Variants in RUBCN observed in about 807,000 individuals in gnomAD.
RUBCN encodes rubicon autophagy regulator.
Under a neutral mutation model 113.2 loss-of-function variants are expected in RUBCN, and 74 were observed. The observed-to-expected ratio is 0.65, with a 90% CI of 0.54 to 0.79. The LOEUF (loss-of-function observed/expected upper bound fraction) is 0.79. RUBCN is among the 30% of genes least tolerant of loss of function. The pLI is 0.00. For missense variants in RUBCN, 1,109 were observed against 1,251.7 expected (o/e 0.89, Z 1.72); for synonymous variants, 480 against 490.0 (o/e 0.98, Z 0.27).
intron 1 of RUBCN, among the ~76,000 whole-genome samples, chr3:197,731,167 G>T (rs1175384014): frequency 6.6e-6 from 1 of 151,804 alleles, no homozygotes; most frequent in Non-Finnish European, 1.5e-5. Flanking sequence ...GTGTCCCTGG[G>T]TACTTGAGAT....
chr3:197,692,286 C>T (rs1271069299), intron 11 of RUBCN, among the ~76,000 whole-genome samples: 1 of 151,944 alleles, frequency 6.6e-6, no homozygotes, highest in Non-Finnish European at 1.5e-5. Flanking sequence ...CCAGACACCA[C>T]GGGGGCAGGA....
intron 1 of RUBCN, among the ~76,000 whole-genome samples, chr3:197,727,887 A>C (rs535901644): frequency 4.7e-4 from 72 of 152,396 alleles, no homozygotes; most frequent in African/African-American, 1.6e-3. Flanking sequence ...CAGGCACACA[A>C]CACCACTTTA....
chr3:197,712,439 G>A (rs895371309), intron 2 of RUBCN, among the ~76,000 whole-genome samples: 8 of 152,176 alleles, frequency 5.3e-5, no homozygotes, highest in Non-Finnish European at 8.8e-5. Flanking sequence ...TCCTCCTGAC[G>A]AGGGCACAAC....
chr3:197,676,855 C>A, intron 18 of RUBCN, 30 bp downstream of exon 18: 1 of 1,614,058 alleles, frequency 6.2e-7, no homozygotes, highest in East Asian at 2.2e-5. Flanking sequence ...AGCAAGGGCT[C>A]AGCTGCATGC....
intron 1 of RUBCN, among the ~76,000 whole-genome samples, chr3:197,746,095 A>G (rs1215476713): frequency 6.6e-6 from 1 of 152,208 alleles, no homozygotes; most frequent in Non-Finnish European, 1.5e-5. Flanking sequence ...CAAATAAAAT[A>G]AAAGACTCCC....
chr3:197,703,451 C>T, intron 5 of RUBCN, 97 bp downstream of exon 5: 1 of 311,016 alleles, frequency 3.2e-6, no homozygotes, highest in Admixed American at 4.0e-5. Flanking sequence ...TTTCAGCTCA[C>T]AAAAATGGCT....
intron 1 of RUBCN, among the ~76,000 whole-genome samples, chr3:197,723,409 C>T (rs1726384007): frequency 1.3e-5 from 2 of 152,142 alleles, no homozygotes; most frequent in Non-Finnish European, 2.9e-5. Flanking sequence ...CAGTCTCAAA[C>T]TCTTGACCTC....
chr3:197,713,567 G>T (rs1167715924), intron 2 of RUBCN, among the ~76,000 whole-genome samples: 3 of 152,120 alleles, frequency 2.0e-5, no homozygotes, highest in African/African-American at 7.2e-5. Context: ...TTTAGTTTTG[G>T]TAATGTTGTG....
Position 197,681,416 on chromosome 3 carries a change from A to G in RUBCN, c.2192-49T>C. The G allele has an allele frequency of 7.2e-7, 1 of 1,394,294 alleles. No homozygotes were observed. Among genetic ancestry groups the G allele is most frequent in the Non-Finnish European group, 1.0e-6 (1 of 981,100 alleles). 86.4% of individuals were successfully genotyped at this position (1,394,294 alleles called of 1,614,324 possible). On this transcript the variant is annotated intron_variant, in intron 15 of 19. Coordinates refer to ENST00000296343, the MANE Select transcript of RUBCN (RefSeq NM_014687.4). This position sits in a 1 kb window ranked among gnomAD's most constrained non-coding sequence, Gnocchi z 5.5. Reference sequence around the variant, plus strand: ...AGCCAGATGTAACTTTCCCATCTACAAGCTGGGAAGGCAGCTCTGCTTTTC... The same window carrying G: ...AGCCAGATGTAACTTTCCCATCTACGAGCTGGGAAGGCAGCTCTGCTTTTC...
At position 197,682,459 on chromosome 3, in the gene RUBCN, T is replaced by C; in HGVS notation, c.2126+11A>G. 6.2e-7 allele frequency: 1 copy of C among 1,614,120 alleles called. No individual in the cohort carries two copies. Among genetic ancestry groups the C allele is most frequent in the South Asian group, 1.1e-5 (1 of 91,066 alleles). ...TCTGTGCTCCAAAGGGCACAGACAC[T>C]GGCCACTCACGTTGGGGCTGGATGA... On this transcript the variant is annotated intron_variant, in intron 14 of 19. Coordinates refer to ENST00000296343, the MANE Select transcript of RUBCN (RefSeq NM_014687.4).
chr3:197,711,882 T>A (rs1176070532), intron 2 of RUBCN, among the ~76,000 whole-genome samples: 1 of 152,188 alleles, frequency 6.6e-6, no homozygotes, highest in Non-Finnish European at 1.5e-5. Flanking sequence ...TTAAAACACA[T>A]AAATACATAG....
chr3:197,724,980 G>A (rs1726574765), intron 1 of RUBCN, among the ~76,000 whole-genome samples: 1 of 152,058 alleles, frequency 6.6e-6, no homozygotes, highest in African/African-American at 2.4e-5. Flanking sequence ...AGGAGTTCAA[G>A]ACCAGCCTGG....
At position 197,681,096 on chromosome 3, in the gene RUBCN, A is replaced by C; in HGVS notation, c.2430+33T>G. On this transcript the variant is annotated intron_variant, in intron 16 of 19. Transcript: ENST00000296343. The surrounding 1 kb of genome is among the most constrained non-coding windows in gnomAD (Gnocchi z 5.5). ...GAGGGGATGAGGGGAGGAGAAGGGC[A>C]AGACTCTAAGGTGGCCTTTTCCAAG... is the stretch of plus-strand genomic sequence containing the variant. 1 of 1,429,642 alleles carries C rather than the reference A, an allele frequency of 7.0e-7. No homozygotes were observed. The highest frequency in any genetic ancestry group is 1.1e-5 in the South Asian group (1 of 87,196). 88.6% of individuals were successfully genotyped at this position (1,429,642 alleles called of 1,614,324 possible).
At chr3:197,686,048 T>A (rs868180393) in intron 11 of RUBCN, among the ~76,000 whole-genome samples, 1 of 152,124 alleles carries the variant, frequency 6.6e-6, no homozygotes, top group Middle Eastern at 3.4e-3. Flanking sequence ...TTCCATCCTG[T>A]TTGGGAGTAA....
rs1719598354 is a variant in RUBCN, at chr3:197,669,603, T to C, written c.*5415A>G. 6.6e-6 allele frequency among the ~76,000 whole-genome samples: 1 copy of C among 152,182 alleles called. No homozygotes were observed. The highest frequency in any genetic ancestry group is 1.5e-5 in the Non-Finnish European group (1 of 68,036). ...GTTAACGTTGATTACTTGGTTAAGG[T>C]CGTGTTAGCTCTCTCTACTCTAAAG... On this transcript the variant is annotated 3_prime_UTR_variant, in exon 20 of 20. Transcript: ENST00000296343.
intron 2 of RUBCN, among the ~76,000 whole-genome samples, chr3:197,710,324 GGC>G (rs1310942398): frequency 6.6e-6 from 1 of 152,154 alleles, no homozygotes; most frequent in Non-Finnish European, 1.5e-5. Context: ...AAGACGGCCG[GGC>G]GCGGTGGCTC....
chr3:197,675,221 A>G lies in RUBCN; in HGVS notation c.2741-25T>C, dbSNP rs777194313. On this transcript the variant is annotated intron_variant, in intron 19 of 19. Transcript: ENST00000296343. This position sits in a 1 kb window ranked among gnomAD's most constrained non-coding sequence, Gnocchi z 4.4. ...TCTACTCAGGTTGGGAAGGTGGGGGAGAGAAGAAAACAATTTGTATTATCT... is the reference window on the plus strand; with the variant it reads ...TCTACTCAGGTTGGGAAGGTGGGGGGGAGAAGAAAACAATTTGTATTATCT... The G allele has an allele frequency of 1.9e-6, 3 of 1,613,022 alleles. No homozygotes were observed. In the African/African-American group the frequency reaches 4.0e-5, roughly 22 times the overall value.
At position 197,675,771 on chromosome 3, in the gene RUBCN, GAA is replaced by G. The variant is rs748776125; in HGVS notation, c.2647-258_2647-257del. On this transcript the variant is annotated intron_variant, in intron 18 of 19. Coordinates refer to ENST00000296343, the MANE Select transcript of RUBCN (RefSeq NM_014687.4). This position sits in a 1 kb window ranked among gnomAD's most constrained non-coding sequence, Gnocchi z 4.4. ...AGCGCGGCTCTCCATGAAGAGAGGA[GAA>G]GGAGGAAATGGCACCACAAAGGGCT... Among the ~76,000 whole-genome samples, 1 of 150,620 alleles carries G rather than the reference GAA, an allele frequency of 6.6e-6. No individual in the cohort carries two copies. Among genetic ancestry groups the G allele is most frequent in the Admixed American group, 6.6e-5 (1 of 15,196 alleles).
intron 1 of RUBCN, 93 bp from the exon 2 acceptor site, chr3:197,718,223 C>T: frequency 7.4e-7 from 1 of 1,359,360 alleles, no homozygotes; most frequent in Non-Finnish European, 1.1e-6. Context: ...GAGCCTCCTG[C>T]CCCACATCCT....
Sources: allele counts gnomAD v4.1 joint callset (sites outside exome capture counted in the v4.1 genomes callset), GRCh38; gene constraint gnomAD v4.1.1; non-coding constraint Gnocchi (gnomAD v3.1); transcripts MANE v1.5; gene names NCBI Gene and HGNC (gene_info 2026-07-23, HGNC 2026-07-21).